Variants in SCAND3 observed in about 807,000 individuals in gnomAD.
SCAND3 encodes SCAN domain containing 3, also known as SCAN domain-containing protein 3.
chr6:28,579,693 T>C, the SCAND3 span, among the ~76,000 whole-genome samples: 5 of 152,202 alleles, frequency 3.3e-5, no homozygotes, highest in Non-Finnish European at 1.5e-5. The surrounding 1 kb of genome is among the most constrained non-coding windows in gnomAD (Gnocchi z 4.5). Flanking sequence ...GTTAAAGAAA[T>C]ATCTCCTAAA....
At chr6:28,586,175 T>C in the SCAND3 span, 1 of 747,228 alleles carries the variant, frequency 1.3e-6, no homozygotes. The surrounding 1 kb of genome is among the most constrained non-coding windows in gnomAD (Gnocchi z 4.4). Context: ...ACACCAGTGA[T>C]CAAATAAGAA....
the SCAND3 span, among the ~76,000 whole-genome samples, chr6:28,601,140 C>T: frequency 6.6e-6 from 1 of 152,108 alleles, no homozygotes; most frequent in African/African-American, 2.4e-5. Flanking sequence ...CTCCTGACCT[C>T]CTGATCCGCC....
At chr6:28,579,190 G>T in the SCAND3 span, 2 of 1,265,722 alleles carry the variant, frequency 1.6e-6, no homozygotes, top group Non-Finnish European at 2.2e-6. The surrounding 1 kb of genome is among the most constrained non-coding windows in gnomAD (Gnocchi z 4.5). Flanking sequence ...AGCTGAAATG[G>T]AATGAGGTTT....
the SCAND3 span, among the ~76,000 whole-genome samples, chr6:28,607,508 T>C: frequency 7.5e-6 from 1 of 133,480 alleles, no homozygotes; most frequent in Non-Finnish European, 1.6e-5. Context: ...AGACCCTTTG[T>C]TTTATTCACT....
chr6:28,583,330 C>T, the SCAND3 span, among the ~76,000 whole-genome samples: 2 of 151,966 alleles, frequency 1.3e-5, no homozygotes, highest in Admixed American at 6.6e-5. Context: ...TGCAGTGAGC[C>T]GAGATCGTGC....
the SCAND3 span, among the ~76,000 whole-genome samples, chr6:28,608,419 C>A: frequency 1.3e-5 from 2 of 152,058 alleles, no homozygotes; most frequent in African/African-American, 2.4e-5. Flanking sequence ...GGGTACCCTA[C>A]GGGTGGTGTT....
At chr6:28,575,727 C>T in the SCAND3 span, 1 of 1,614,124 alleles carries the variant, frequency 6.2e-7, no homozygotes, top group East Asian at 2.2e-5. This position sits in a 1 kb window ranked among gnomAD's most constrained non-coding sequence, Gnocchi z 4.2. Flanking sequence ...ACTCTTTCTC[C>T]ATGCGAGTAC....
At chr6:28,594,136 T>C in the SCAND3 span, 1 of 152,202 alleles carries the variant, frequency 6.6e-6, no homozygotes, top group Admixed American at 6.5e-5. Flanking sequence ...TTGTACATTG[T>C]TGGTGAAAAT....
chr6:28,571,670 A>G, the SCAND3 span: 1 of 406,754 alleles, frequency 2.5e-6, no homozygotes, highest in Non-Finnish European at 4.2e-6. Flanking sequence ...CAGATTTAAA[A>G]TTATATTTTA....
chr6:28,587,245 G>C, the SCAND3 span: 1 of 154,790 alleles, frequency 6.5e-6, no homozygotes, highest in Non-Finnish European at 1.4e-5. Flanking sequence ...CTAGTGGGTC[G>C]AGGGAAACAC....
the SCAND3 span, among the ~76,000 whole-genome samples, chr6:28,595,730 AAAAG>A: frequency 6.6e-6 from 1 of 152,038 alleles, no homozygotes. Context: ...CTCAAAAAAA[AAAAG>A]AAAGAAAAAG....
At chr6:28,588,410 CTGTTTTGTT>C in the SCAND3 span, among the ~76,000 whole-genome samples, 1 of 139,832 alleles carries the variant, frequency 7.2e-6, no homozygotes. This position sits in a 1 kb window ranked among gnomAD's most constrained non-coding sequence, Gnocchi z 4.1. Context: ...ACGAGCCTTA[CTGTTTTGTT>C]TGTTTTGTTT....
the SCAND3 span, among the ~76,000 whole-genome samples, chr6:28,610,575 G>A: frequency 6.6e-6 from 1 of 151,998 alleles, no homozygotes; most frequent in Non-Finnish European, 1.5e-5. Context: ...GGAGAAAAAA[G>A]TAAAACACAA....
At chr6:28,601,642 C>T in the SCAND3 span, among the ~76,000 whole-genome samples, 1 of 152,304 alleles carries the variant, frequency 6.6e-6, no homozygotes, top group African/African-American at 2.4e-5. Context: ...ACCTCAGTCT[C>T]CCAAGTTGCT....
At chr6:28,612,870 T>C in the SCAND3 span, among the ~76,000 whole-genome samples, 1 of 152,202 alleles carries the variant, frequency 6.6e-6, no homozygotes, top group Non-Finnish European at 1.5e-5. Flanking sequence ...TCAGTGGATA[T>C]AGGCACTTGT....
At chr6:28,576,914 A>AT in the SCAND3 span, among the ~76,000 whole-genome samples, 4 of 12,934 alleles carry the variant, frequency 3.1e-4, no homozygotes, top group East Asian at 0.043. Context: ...CCGGTCTCAG[A>AT]CTTTTTTTTT....
the SCAND3 span, among the ~76,000 whole-genome samples, chr6:28,607,191 A>G: frequency 2.0e-5 from 3 of 152,184 alleles, no homozygotes; most frequent in Non-Finnish European, 2.9e-5. Flanking sequence ...CGTGCTTAGC[A>G]TGTACGAGGT....
the SCAND3 span, among the ~76,000 whole-genome samples, chr6:28,574,178 G>A: frequency 2.6e-5 from 4 of 152,094 alleles, no homozygotes; most frequent in African/African-American, 9.7e-5. Context: ...TTGCAGTAAT[G>A]TCAATTGTTA....
the SCAND3 span, chr6:28,571,959 A>G: frequency 3.1e-6 from 5 of 1,613,654 alleles, no homozygotes; most frequent in East Asian, 8.9e-5. Context: ...TGTCTAATCT[A>G]GGTTGGATTG....
Sources: allele counts gnomAD v4.1 joint callset (sites outside exome capture counted in the v4.1 genomes callset), GRCh38; gene constraint gnomAD v4.1.1; non-coding constraint Gnocchi (gnomAD v3.1); transcripts MANE v1.5; gene names NCBI Gene and HGNC (gene_info 2026-07-23, HGNC 2026-07-21).